Variants in IQGAP3 observed in about 807,000 individuals in gnomAD.
IQGAP3 encodes the protein ras GTPase-activating-like protein IQGAP3.
In IQGAP3, 165 loss-of-function variants were observed where a neutral mutation model predicts 208.2. That is an observed-to-expected ratio of 0.79 (90% CI 0.70 to 0.90). The LOEUF is 0.90. Ranked by LOEUF, IQGAP3 falls within the 40% of genes least tolerant of loss-of-function variation. IQGAP3 has a pLI of 0.00. For missense variants in IQGAP3, 1,811 were observed against 2,043.1 expected (o/e 0.89, Z 2.19); for synonymous variants, 703 against 803.6 (o/e 0.87, Z 2.12).
At chr1:156,543,942 C>T (rs1675105285) in intron 22 of IQGAP3, 39 bp downstream of exon 22, 1 of 1,586,742 alleles carries the variant, frequency 6.3e-7, no homozygotes, top group Admixed American at 1.7e-5. Context: ...GGGGTCCTCT[C>T]CCTCCCAACA....
chr1:156,541,562 C>G (rs2102385386), intron 22 of IQGAP3, among the ~76,000 whole-genome samples: 1 of 152,310 alleles, frequency 6.6e-6, no homozygotes, highest in South Asian at 2.1e-4. Flanking sequence ...TACTATGAGA[C>G]AGAACCTGTT....
intron 13 of IQGAP3, among the ~76,000 whole-genome samples, chr1:156,553,288 C>T (rs902400751): frequency 3.9e-5 from 6 of 152,224 alleles, no homozygotes; most frequent in African/African-American, 7.2e-5. Flanking sequence ...GGTCTGGCCT[C>T]GGCTACTTGG....
intron 1 of IQGAP3, 127 bp downstream of exon 1, chr1:156,572,366 G>A (rs979439020): frequency 2.9e-6 from 3 of 1,019,064 alleles, no homozygotes; most frequent in African/African-American, 3.1e-5. Context: ...CCGTCCCACT[G>A]AGCAGTCCCA....
chr1:156,551,727 G>T lies in IQGAP3; in HGVS notation c.1712C>A (p.Ala571Glu). The stretch of plus-strand genomic sequence containing the variant: ...CACCTGGGCCTTCTGCCTTTTGGCT[G>T]CCACAAGGAGGAGATGGTACCGAGG... ...VAPRYHLLLV[A>E]AKRQKAQVTG... The change falls in exon 15 of 38, where the codon GCA becomes GAA. Residue 571 changes from alanine (A) to glutamate (E), a missense_variant. Coordinates refer to ENST00000361170, the MANE Select transcript of IQGAP3 (RefSeq NM_178229.5). 6.2e-7 allele frequency: 1 copy of T among 1,611,956 alleles called. No individual in the cohort carries two copies. The highest frequency in any genetic ancestry group is 8.5e-7 in the Non-Finnish European group (1 of 1,179,458).
intron 12 of IQGAP3, among the ~76,000 whole-genome samples, 160 bp from the exon 13 acceptor site, chr1:156,554,552 T>G (rs6686323): frequency 0.96 from 146,526 of 152,340 alleles, 70,730 homozygotes; most frequent in East Asian, 1. Context: ...AAACACCTGA[T>G]AATACTTACT....
chr1:156,562,548 G>A, intron 9 of IQGAP3, 39 bp downstream of exon 9: 1 of 1,537,534 alleles, frequency 6.5e-7, no homozygotes, highest in Non-Finnish European at 9.0e-7. Context: ...GGCTTACCCT[G>A]AGGTCACCCC....
At chr1:156,554,780 G>A (rs1018860079) in intron 12 of IQGAP3, among the ~76,000 whole-genome samples, 11 of 152,144 alleles carry the variant, frequency 7.2e-5, no homozygotes, top group Admixed American at 1.3e-4. Flanking sequence ...TGTATTAGCC[G>A]GGTGCAGTGG....
chr1:156,565,697 G>A (rs1351607576), intron 4 of IQGAP3, among the ~76,000 whole-genome samples: 1 of 152,190 alleles, frequency 6.6e-6, no homozygotes, highest in East Asian at 1.9e-4. Flanking sequence ...CTAGGGATGT[G>A]TATACCCTTG....
chr1:156,563,254 G>C lies in IQGAP3; in HGVS notation c.678C>G (p.Thr226=). 6.2e-7 allele frequency: 1 copy of C among 1,612,600 alleles called. No homozygotes were observed. The highest frequency in any genetic ancestry group is 1.1e-5 in the South Asian group (1 of 90,990). Reference sequence around the variant, plus strand: ...CACTGGGATTCTGCAAGGCAGCCAGGGTGTCCTCCACCACCCCTCGCTCCA... The same window carrying C: ...CACTGGGATTCTGCAAGGCAGCCAGCGTGTCCTCCACCACCCCTCGCTCCA... The part of the protein sequence containing the change: ...EAVERGVVED[T]LAALQNPSAL... The change falls in exon 8 of 38, where the codon ACC becomes ACG. Residue 226 remains threonine (T), a synonymous_variant. Coordinates refer to ENST00000361170, the MANE Select transcript of IQGAP3 (RefSeq NM_178229.5).
At chr1:156,548,533 G>T (rs751008328) in intron 17 of IQGAP3, 46 bp from the exon 18 acceptor site, 1 of 1,602,010 alleles carries the variant, frequency 6.2e-7, no homozygotes, top group African/African-American at 1.3e-5. Context: ...GCAGGCAAGG[G>T]GTGGCTGGGG....
intron 15 of IQGAP3, 126 bp from the exon 16 acceptor site, chr1:156,550,477 C>T (rs1429257251): frequency 2.9e-6 from 2 of 685,552 alleles, no homozygotes; most frequent in Non-Finnish European, 5.2e-6. Flanking sequence ...GTGATCTCCA[C>T]TCAGCTCTCT....
intron 25 of IQGAP3, 57 bp from the exon 26 acceptor site, chr1:156,539,090 T>A: frequency 1.3e-6 from 2 of 1,490,256 alleles, no homozygotes; most frequent in Non-Finnish European, 1.8e-6. Flanking sequence ...GACATACCGT[T>A]GCTTTTCCTT....
rs983292840 is a variant in IQGAP3 at position 156,572,483 on chromosome 1, C to T, written c.37+10G>A. 1 of 1,610,014 alleles carries T rather than the reference C, an allele frequency of 6.2e-7. No individual in the cohort carries two copies. The highest frequency in any genetic ancestry group is 1.3e-5 in the African/African-American group (1 of 74,932). ...CTGCGAGACCCTTCTCTGACCCTCT[C>T]CGCACTCACAGGCTGCCCAGCCTGG... On this transcript the variant is annotated intron_variant, in intron 1 of 37. Coordinates refer to ENST00000361170, the MANE Select transcript of IQGAP3 (RefSeq NM_178229.5).
chr1:156,551,613 T>C, intron 15 of IQGAP3, 92 bp downstream of exon 15: 4 of 1,319,566 alleles, frequency 3.0e-6, no homozygotes, highest in Non-Finnish European at 4.1e-6. Context: ...ATTGTGTCCA[T>C]CAGAATAGAG....
Position 156,539,414 on chromosome 1 carries a change from G to T in IQGAP3, c.3016C>A (p.Leu1006Met), listed in dbSNP as rs762562390. 6.2e-7 allele frequency: 1 copy of T among 1,614,174 alleles called. No homozygotes were observed. Among genetic ancestry groups the T allele is most frequent in the South Asian group, 1.1e-5 (1 of 91,080 alleles). The change falls in exon 25 of 38, where the codon CTG becomes ATG. Residue 1006 changes from leucine (L) to methionine (M), a missense_variant. By Grantham distance (15) the Leu-to-Met change is conservative. Transcript: ENST00000361170. ...YASSRREAYL[L>M]LQLFKTALQE... ...AGTGCTGTCTTGAACAGCTGGAGCA[G>T]GAGATAGGCCTCTCGGCGGCTGGAG... is the stretch of plus-strand genomic sequence containing the variant.
chr1:156,567,954 A>G (rs962609577), intron 2 of IQGAP3, among the ~76,000 whole-genome samples: 1 of 152,222 alleles, frequency 6.6e-6, no homozygotes, highest in Non-Finnish European at 1.5e-5. Flanking sequence ...AAGGCATTAG[A>G]TGAAAGTTAA....
intron 12 of IQGAP3, 119 bp from the exon 13 acceptor site, chr1:156,554,511 G>A: frequency 1.1e-6 from 1 of 908,346 alleles, no homozygotes; most frequent in South Asian, 2.1e-5. Flanking sequence ...AACCCCAGTG[G>A]CCTGATTCAC....
intron 37 of IQGAP3, among the ~76,000 whole-genome samples, chr1:156,527,121 G>A (rs1054555824): frequency 2.0e-5 from 3 of 151,648 alleles, no homozygotes; most frequent in Admixed American, 6.6e-5. Context: ...GTGAGCCACT[G>A]CACCCGGCCA....
intron 37 of IQGAP3, among the ~76,000 whole-genome samples, chr1:156,527,349 A>ATG (rs1674139069): frequency 6.6e-6 from 1 of 151,504 alleles, no homozygotes; most frequent in Non-Finnish European, 1.5e-5. Context: ...GTGGTGGCGC[A>ATG]CGCCTGTAAT....
Sources: allele counts gnomAD v4.1 joint callset (sites outside exome capture counted in the v4.1 genomes callset), GRCh38; gene constraint gnomAD v4.1.1; transcripts MANE v1.5; gene names NCBI Gene and HGNC (gene_info 2026-07-23, HGNC 2026-07-21).